The following PDGFRA variants were observed in gnomAD, a reference collection of about 807,000 sequenced individuals.
PDGFRA encodes the protein platelet derived growth factor receptor alpha, also known as platelet-derived growth factor receptor alpha.
In PDGFRA, 25 loss-of-function variants were observed where a neutral mutation model predicts 121.5. The ratio of observed to expected loss-of-function variants is 0.21; its 90% CI spans 0.15 to 0.29. The LOEUF is 0.29. Among genes scored for constraint, PDGFRA ranks in the 10% least tolerant of loss-of-function variants. The probability of loss-of-function intolerance (pLI) is 1.00; values close to 1 mark genes in which losing one functional copy is unlikely to be tolerated. For synonymous variants in PDGFRA, 463 were observed against 494.8 expected, an observed-to-expected ratio of 0.94 and a Z score of 0.85; for missense variants, 1,008 against 1,345.1, an observed-to-expected ratio of 0.75 and a Z score of 3.92.
chr4:54,274,189 G>C (rs992583865), intron 10 of PDGFRA, among the ~76,000 whole-genome samples: 1 of 152,166 alleles, frequency 6.6e-6, no homozygotes, highest in South Asian at 2.1e-4. Flanking sequence ...TTATAATAAA[G>C]CATATGAAGT....
At chr4:54,275,070 T>C (rs1271475572) in intron 12 of PDGFRA, 97 bp downstream of exon 12, 17 of 1,354,326 alleles carry the variant, frequency 1.3e-5, no homozygotes, top group Non-Finnish European at 1.6e-5. Context: ...GAGCTTGTGC[T>C]TAGTAAGAAC....
chr4:54,280,467 A>G lies in PDGFRA; in HGVS notation c.2308A>G (p.Lys770Glu), dbSNP rs1248440566. 4 of 1,613,300 alleles carry G rather than the reference A, an allele frequency of 2.5e-6. No homozygotes were observed. The East Asian group carries it at 6.7e-5, about 27-fold the overall frequency. Residue 770 changes from lysine to glutamate, a missense_variant, in exon 16 of 23, where the codon AAG becomes GAG. This residue lies in a region of PDGFRA where 128 missense variants were observed against 147.6 expected (regional missense o/e 0.87). Coordinates refer to ENST00000257290, the MANE Select transcript of PDGFRA (RefSeq NM_006206.6). ...CTATGATCGTCCAGCCTCATATAAG[A>G]AGAAATCTATGTTAGGTAAAAGTGT... is the stretch of plus-strand genomic sequence containing the variant. ...SLYDRPASYK[K>E]KSMLDSEVKN...
At chr4:54,261,583 T>C (rs921498584) in intron 3 of PDGFRA, among the ~76,000 whole-genome samples, 171 bp downstream of exon 3, 1 of 152,134 alleles carries the variant, frequency 6.6e-6, no homozygotes, top group African/African-American at 2.4e-5. Context: ...AAATATTCAT[T>C]GTTAGCATTT....
chr4:54,281,490 C>T (rs1029992175), intron 16 of PDGFRA: 21 of 837,340 alleles, frequency 2.5e-5, no homozygotes, highest in Admixed American at 2.4e-4. Flanking sequence ...AACTTCCAAG[C>T]GCTTTTAAAA....
intron 5 of PDGFRA, chr4:54,265,359 A>G: frequency 5.7e-6 from 2 of 349,298 alleles, no homozygotes; most frequent in Admixed American, 7.6e-5. Flanking sequence ...AAAAATTAGA[A>G]GAGCAAAAAA....
chr4:54,229,623 G>A (rs1000357961), intron 1 of PDGFRA, among the ~76,000 whole-genome samples: 2 of 151,814 alleles, frequency 1.3e-5, no homozygotes, highest in Admixed American at 1.3e-4. Context: ...GAGTTAGAAA[G>A]TCTAGGTATT....
At chr4:54,293,030 A>G (rs1042304691) in intron 22 of PDGFRA, among the ~76,000 whole-genome samples, 3 of 152,318 alleles carry the variant, frequency 2.0e-5, no homozygotes, top group African/African-American at 4.8e-5. Context: ...ACATAAAATA[A>G]AAGTTAAAAA....
chr4:54,289,096 G>A lies in PDGFRA; in HGVS notation c.2862G>A (p.Leu954=). Residue 954 remains leucine, a synonymous_variant, in exon 21 of 23, where the codon CTG becomes CTA. Coordinates refer to ENST00000257290, the MANE Select transcript of PDGFRA (RefSeq NM_006206.6). ...YHLSEIVENL[L]PGQYKKSYEK... Reference sequence around the variant, plus strand: ...TGAGTGAGATTGTGGAGAATCTGCTGCCTGGACAATATAAAAAGGTGTGTT... The same window carrying A: ...TGAGTGAGATTGTGGAGAATCTGCTACCTGGACAATATAAAAAGGTGTGTT... 1 of 1,591,532 alleles carries A rather than the reference G, an allele frequency of 6.3e-7. No individual in the cohort carries two copies. Among genetic ancestry groups the A allele is most frequent in the Non-Finnish European group, 8.6e-7 (1 of 1,159,464 alleles).
At position 54,249,799 on chromosome 4, in the gene PDGFRA, A is replaced by G. The variant is rs182499285; in HGVS notation, c.-12-8958A>G. On this transcript the variant is annotated intron_variant, in intron 1 of 22. Coordinates refer to ENST00000257290, the MANE Select transcript of PDGFRA (RefSeq NM_006206.6). ...TTAAAGTATAATAATAATAAAATAAAAAAATTTTTAAAAAATAAAGTTAAA... is the reference window on the plus strand; with the variant it reads ...TTAAAGTATAATAATAATAAAATAAGAAAATTTTTAAAAAATAAAGTTAAA... Among the ~76,000 whole-genome samples the G allele has an allele frequency of 1.2e-4, 19 of 152,162 alleles. No individual in the cohort carries two copies. In the East Asian group the frequency reaches 2.5e-3, roughly 20 times the overall value.
At chr4:54,260,442 G>A (rs968191741) in intron 2 of PDGFRA, among the ~76,000 whole-genome samples, 6 of 121,124 alleles carry the variant, frequency 5.0e-5, no homozygotes, top group East Asian at 2.5e-4. Context: ...AGGGTCTCTC[G>A]CTCTATTGCC....
chr4:54,247,863 C>T (rs1721786947), intron 1 of PDGFRA, among the ~76,000 whole-genome samples: 2 of 152,202 alleles, frequency 1.3e-5, no homozygotes, highest in Non-Finnish European at 2.9e-5. Flanking sequence ...TGATAAGCAA[C>T]TTCAGCAAAG....
At position 54,283,867 on chromosome 4, in the gene PDGFRA, T is replaced by C. The variant is rs1181443840; in HGVS notation, c.2324-1504T>C. 5.3e-5 allele frequency among the ~76,000 whole-genome samples: 8 copies of C among 152,222 alleles called. No homozygotes were observed. In the East Asian group the frequency reaches 1.5e-3, roughly 29 times the overall value. Reference sequence around the variant, plus strand: ...TCCTCTCACTCATCCTCCCAAAGTGTTGGGATTATAGGTGTGAGCCACTGC... The same window carrying C: ...TCCTCTCACTCATCCTCCCAAAGTGCTGGGATTATAGGTGTGAGCCACTGC... On this transcript the variant is annotated intron_variant, in intron 16 of 22. Transcript: ENST00000257290.
Position 54,261,339 on chromosome 4 carries a change from C to T in PDGFRA, c.294C>T (p.Tyr98=), listed in dbSNP as rs1560467020. The change falls in exon 3 of 23, where the codon TAC becomes TAT. Residue 98 remains tyrosine (Y), a synonymous_variant. Coordinates refer to ENST00000257290, the MANE Select transcript of PDGFRA (RefSeq NM_006206.6). Reference sequence around the variant, plus strand: ...CCTCGGCGGCCCACACAGGGTTGTACACTTGCTATTACAACCACACTCAGA... The same window carrying T: ...CCTCGGCGGCCCACACAGGGTTGTATACTTGCTATTACAACCACACTCAGA... ...SSASAAHTGL[Y]TCYYNHTQTE... is the part of the protein sequence containing the mutation. The T allele has an allele frequency of 1.2e-6, 2 of 1,614,004 alleles. No individual in the cohort carries two copies. The highest frequency in any genetic ancestry group is 1.3e-5 in the African/African-American group (1 of 75,016).
intron 22 of PDGFRA, among the ~76,000 whole-genome samples, chr4:54,293,943 T>TGTGTG (rs1168372338): frequency 1.9e-5 from 1 of 52,800 alleles, no homozygotes; most frequent in Non-Finnish European, 4.3e-5. Flanking sequence ...GTGTGTGTGT[T>TGTGTG]TTCCTCTTCT....
intron 15 of PDGFRA, chr4:54,278,871 C>T (rs1381552150): frequency 2.1e-6 from 1 of 480,158 alleles, no homozygotes; most frequent in Admixed American, 2.3e-5. Flanking sequence ...GTCTGTGGAT[C>T]TCCAAGCTCG....
At chr4:54,272,658 C>G (rs2110288107) in intron 9 of PDGFRA, 138 bp downstream of exon 9, 2 of 906,292 alleles carry the variant, frequency 2.2e-6, no homozygotes, top group Admixed American at 3.8e-5. Flanking sequence ...TATCTTTTGT[C>G]ATGAATAGCT....
intron 1 of PDGFRA, among the ~76,000 whole-genome samples, chr4:54,238,793 T>C (rs567804618): frequency 6.6e-6 from 1 of 152,194 alleles, no homozygotes; most frequent in East Asian, 1.9e-4. Context: ...TAGTGAGACC[T>C]TGTCTCTACA....
chr4:54,285,561 A>G (rs1466848360), intron 17 of PDGFRA, 75 bp downstream of exon 17: 4 of 792,594 alleles, frequency 5.0e-6, no homozygotes, highest in Middle Eastern at 4.4e-4. Context: ...GCTAGGAGAT[A>G]GATGTTGGAA....
rs1290609474 is a variant in PDGFRA at position 54,278,243 on chromosome 4, A to G, written c.2003-119A>G. ...TTTATTAAAAAAAAAAAAAAAAAAA[A>G]AAAAAAAAAACTTTTTTGGTATCTT... is the stretch of plus-strand genomic sequence containing the variant. On this transcript the variant is annotated intron_variant, in intron 14 of 22. Coordinates refer to ENST00000257290, the MANE Select transcript of PDGFRA (RefSeq NM_006206.6). The G allele has an allele frequency of 6.4e-5, 33 of 519,040 alleles. 1 individual carries two copies. The highest frequency in any genetic ancestry group is 9.3e-5 in the Non-Finnish European group (29 of 312,444). 32.2% of individuals were successfully genotyped at this position (519,040 alleles called of 1,614,324 possible).
Sources: gnomAD v4.1 joint callset for allele counts (sites outside exome capture counted in the v4.1 genomes callset) on GRCh38, gnomAD v4.1.1 for gene constraint, gnomAD v4.1.1 regional missense constraint, MANE v1.5 for transcripts, NCBI Gene and HGNC (gene_info 2026-07-23, HGNC 2026-07-21) for gene names.